C10orf71: variants seen among roughly 807,000 people sequenced by gnomAD.
C10orf71 encodes cardiac-enriched FHL2-interacting protein.
For missense variants in C10orf71, 1,869 were observed against 1,804.5 expected (o/e 1.04, Z -0.65); for synonymous variants, 758 against 726.3 (o/e 1.04, Z -0.70).
In C10orf71 at chr10:49,327,119, T is replaced by C; in HGVS notation, c.*266T>C. 2 of 1,214,724 alleles carry C rather than the reference T, an allele frequency of 1.6e-6. No homozygotes were observed. Among genetic ancestry groups the C allele is most frequent in the Non-Finnish European group, 2.2e-6 (2 of 899,016 alleles). The allele number at this position is 1,214,724 out of a possible 1,614,324, so 75.2% of individuals were successfully genotyped here. A position where few individuals can be genotyped will look rare whatever the true frequency, so the allele number is the denominator to read the frequency against. ...CCTCCGTGCCAGTTCCCAGGCGCAC[T>C]CTACTCCAGCCCTTCTCCCTCCCTC... On this transcript the variant is annotated 3_prime_UTR_variant, in exon 3 of 3. Coordinates refer to ENST00000374144, the MANE Select transcript of C10orf71 (RefSeq NM_001135196.2).
intron 2 of C10orf71, 34 bp from the exon 3 acceptor site, chr10:49,322,368 C>A: frequency 1.5e-6 from 1 of 645,938 alleles, no homozygotes. Context: ...GAGCTGTATA[C>A]TTTGTTCACG....
At chr10:49,322,138 GC>G (rs1447081751) in intron 2 of C10orf71, among the ~76,000 whole-genome samples, 10 of 152,126 alleles carry the variant, frequency 6.6e-5, no homozygotes, top group African/African-American at 2.4e-4. Context: ...TACTCTTAGG[GC>G]CTTCAACTAA....
intron 1 of C10orf71, among the ~76,000 whole-genome samples, chr10:49,301,105 T>G (rs1424334969): frequency 1.3e-5 from 2 of 152,134 alleles, no homozygotes; most frequent in South Asian, 2.1e-4. Context: ...GCCAGAAATC[T>G]CAAGAACCCA....
At chr10:49,308,671 C>G (rs570217965) in intron 1 of C10orf71, among the ~76,000 whole-genome samples, 106 of 152,266 alleles carry the variant, frequency 7.0e-4, no homozygotes, top group African/African-American at 1.4e-3. Flanking sequence ...GGAGAGGGCC[C>G]GGGTCAGCCC....
At chr10:49,321,210 T>C (rs532181618) in intron 2 of C10orf71, among the ~76,000 whole-genome samples, 1 of 152,178 alleles carries the variant, frequency 6.6e-6, no homozygotes, top group Non-Finnish European at 1.5e-5. Context: ...CTTTGACAAA[T>C]AACTCCCCCC....
At chr10:49,311,558 C>A (rs938059963) in intron 1 of C10orf71, among the ~76,000 whole-genome samples, 2 of 152,226 alleles carry the variant, frequency 1.3e-5, no homozygotes, top group East Asian at 1.9e-4. Context: ...AAAGATGAAC[C>A]AAGCCAGGGA....
rs537217341 is a variant in C10orf71, at chr10:49,308,138, C to A, written c.-247-8007C>A. On this transcript the variant is annotated intron_variant, in intron 1 of 2. Transcript: ENST00000374144. ...CCCCAGAGGGCAGCAGCCCCTGCTA[C>A]CCCCTGCTCACATCCAGTTCTGTGG... Among the ~76,000 whole-genome samples the A allele has an allele frequency of 2.0e-4, 31 of 152,296 alleles. No homozygotes were observed. The East Asian group carries it at 5.2e-3, about 26-fold the overall frequency.
At position 49,320,528 on chromosome 10, in the gene C10orf71, C is replaced by T. The variant is rs375141925; in HGVS notation, c.-144-1874C>T. The stretch of plus-strand genomic sequence containing the variant: ...ACTGACAGTCTAATCATGGGATAGG[C>T]CACAAAGATGTAAACTTAATCTTCG... On this transcript the variant is annotated intron_variant, in intron 2 of 2. Coordinates refer to ENST00000374144, the MANE Select transcript of C10orf71 (RefSeq NM_001135196.2). Among the ~76,000 whole-genome samples the T allele has an allele frequency of 5.3e-5, 8 of 152,218 alleles. No individual in the cohort carries two copies. In the East Asian group the frequency reaches 1.2e-3, roughly 22 times the overall value.
chr10:49,324,017 G>T lies in C10orf71; in HGVS notation c.1472G>T (p.Ser491Ile), dbSNP rs1192045786. 3.7e-6 allele frequency: 6 copies of T among 1,613,588 alleles called. No individual in the cohort carries two copies. Among genetic ancestry groups the T allele is most frequent in the Non-Finnish European group, 5.1e-6 (6 of 1,179,696 alleles). Residue 491 changes from serine (S) to isoleucine (I), a missense_variant, in exon 3 of 3, where the codon AGC (serine) becomes ATC (isoleucine). Transcript: ENST00000374144. ...KEPSECQSRD[S>I]YKSKAPSLLF... ...CCCAGTGAATGTCAGTCTCGAGACAGCTACAAGTCCAAAGCCCCTAGCCTG... is the reference window on the plus strand; with the variant it reads ...CCCAGTGAATGTCAGTCTCGAGACATCTACAAGTCCAAAGCCCCTAGCCTG...
intron 1 of C10orf71, among the ~76,000 whole-genome samples, chr10:49,299,994 TC>T (rs1231369840): frequency 6.6e-6 from 1 of 152,200 alleles, no homozygotes; most frequent in African/African-American, 2.4e-5. Context: ...CCCACCAGAC[TC>T]CCACAGGGTA....
At chr10:49,308,452 G>A (rs1332290853) in intron 1 of C10orf71, among the ~76,000 whole-genome samples, 1 of 152,174 alleles carries the variant, frequency 6.6e-6, no homozygotes, top group Non-Finnish European at 1.5e-5. Context: ...GCCAGGCCAG[G>A]CTGCAGGCTG....
Position 49,325,696 on chromosome 10 carries a change from A to G in C10orf71, c.3151A>G (p.Ser1051Gly). The G allele has an allele frequency of 6.4e-7, 1 of 1,551,826 alleles. No homozygotes were observed. Among genetic ancestry groups the G allele is most frequent in the East Asian group, 2.4e-5 (1 of 40,910 alleles). ...GCCCCCTGGCAGAAGACTGGTCCCCAGTGAGAGGGCGAATTCCCCCAACCC... is the reference window on the plus strand; with the variant it reads ...GCCCCCTGGCAGAAGACTGGTCCCCGGTGAGAGGGCGAATTCCCCCAACCC... The part of the protein sequence containing the change: ...AGPPGRRLVP[S>G]ERANSPNPGS... Residue 1051 changes from serine (S) to glycine (G), a missense_variant, in exon 3 of 3, where the codon AGT becomes GGT. By Grantham distance (56) the Ser-to-Gly change is moderately conservative (BLOSUM62 0). Coordinates refer to ENST00000374144, the MANE Select transcript of C10orf71 (RefSeq NM_001135196.2).
At position 49,325,858 on chromosome 10, in the gene C10orf71, G is replaced by T. The variant is rs1262730695; in HGVS notation, c.3313G>T (p.Ala1105Ser). The change falls in exon 3 of 3, where the codon GCC (alanine) becomes TCC (serine). Residue 1105 changes from alanine to serine, a missense_variant. Transcript: ENST00000374144. The part of the protein sequence containing the change: ...QASPWASSSP[A>S]RVTRREDLTH... ...CAGCCCCTGGGCCAGCTCCAGTCCT[G>T]CCAGGGTCACCCGGAGGGAGGACCT... The T allele has an allele frequency of 6.4e-7, 1 of 1,550,420 alleles. No homozygotes were observed. Among genetic ancestry groups the T allele is most frequent in the Non-Finnish European group, 8.7e-7 (1 of 1,146,056 alleles).
At chr10:49,310,926 C>T (rs1848901640) in intron 1 of C10orf71, among the ~76,000 whole-genome samples, 1 of 152,078 alleles carries the variant, frequency 6.6e-6, no homozygotes, top group South Asian at 2.1e-4. Context: ...GATACACTTA[C>T]ACTAAAAAAG....
chr10:49,327,071 G>T lies in C10orf71; in HGVS notation c.*218G>T. The T allele has an allele frequency of 2.0e-6, 3 of 1,501,622 alleles. No individual in the cohort carries two copies. Among genetic ancestry groups the T allele is most frequent in the South Asian group, 2.5e-5 (2 of 80,544 alleles). 93.0% of individuals were successfully genotyped at this position (1,501,622 alleles called of 1,614,324 possible). A position where few individuals can be genotyped will look rare whatever the true frequency, so the allele number is the denominator to read the frequency against. ...TCCCTGGCTCTCCTCTGATGGAGGG[G>T]CACTGCTTGCTTGGCCCGGTCCCCT... On this transcript the variant is annotated 3_prime_UTR_variant, in exon 3 of 3. Coordinates refer to ENST00000374144, the MANE Select transcript of C10orf71 (RefSeq NM_001135196.2).
intron 2 of C10orf71, among the ~76,000 whole-genome samples, chr10:49,320,204 G>GTA (rs963770994): frequency 1.4e-4 from 22 of 152,238 alleles, no homozygotes; most frequent in African/African-American, 5.1e-4. Context: ...CCCCAGGGAT[G>GTA]TAGAGTTGGG....
In C10orf71 at chr10:49,326,260, C is replaced by G. The variant is rs1363817233; in HGVS notation, c.3715C>G (p.Pro1239Ala). The G allele has an allele frequency of 2.6e-6, 4 of 1,550,106 alleles. No homozygotes were observed. Among genetic ancestry groups the G allele is most frequent in the Non-Finnish European group, 3.5e-6 (4 of 1,146,698 alleles). ...RHNFPVVRSL[P>A]PPVHRHSVSG... The stretch of plus-strand genomic sequence containing the variant: ...CAATTTCCCCGTGGTCCGTTCCCTG[C>G]CCCCTCCCGTGCACCGCCACTCCGT... The change falls in exon 3 of 3, where the codon CCC becomes GCC. Residue 1239 changes from proline (P) to alanine (A), a missense_variant. Coordinates refer to ENST00000374144, the MANE Select transcript of C10orf71 (RefSeq NM_001135196.2).
chr10:49,319,682 C>CTATATATATA (rs60174377), intron 2 of C10orf71, among the ~76,000 whole-genome samples: 15 of 117,774 alleles, frequency 1.3e-4, no homozygotes, highest in African/African-American at 3.7e-4. Context: ...CACACACAAG[C>CTATATATATA]TATATATATA....
upstream of C10orf71, among the ~76,000 whole-genome samples, chr10:49,297,431 C>T (rs1848656628): frequency 6.6e-6 from 1 of 152,000 alleles, no homozygotes; most frequent in Non-Finnish European, 1.5e-5. Flanking sequence ...TGTTGTTTTC[C>T]ATAAAGTTCT....
Sources: allele counts gnomAD v4.1 joint callset (sites outside exome capture counted in the v4.1 genomes callset), GRCh38; gene constraint gnomAD v4.1.1; transcripts MANE v1.5; gene names NCBI Gene and HGNC (gene_info 2026-07-23, HGNC 2026-07-21).